The following FAM168B variants were observed in gnomAD, a reference collection of about 807,000 sequenced individuals.
FAM168B encodes the protein myelin-associated neurite-outgrowth inhibitor.
Under a neutral mutation model 21.8 loss-of-function variants are expected in FAM168B, and 19 were observed. The observed-to-expected ratio is 0.87, with a 90% CI of 0.61 to 1.28. FAM168B has a LOEUF of 1.28. Ranked by LOEUF, FAM168B falls within the 50% of genes most tolerant of loss-of-function variation. FAM168B has a pLI of 0.00. For synonymous variants in FAM168B, 126 were observed against 104.8 expected, an observed-to-expected ratio of 1.20 and a Z score of -1.24; for missense variants, 233 against 263.1, an observed-to-expected ratio of 0.89 and a Z score of 0.79.
chr2:131,083,183 G>A (rs112677783), intron 1 of FAM168B, among the ~76,000 whole-genome samples: 2,213 of 152,126 alleles, frequency 0.015, 57 homozygotes, highest in African/African-American at 0.05. Flanking sequence ...GTCAAACTCC[G>A]TCTCTACTAA....
intron 5 of FAM168B, 121 bp downstream of exon 5, chr2:131,055,151 G>C: frequency 1.0e-6 from 1 of 988,408 alleles, no homozygotes. Context: ...AGAATTTTCT[G>C]TCCTTCCACA....
intron 1 of FAM168B, among the ~76,000 whole-genome samples, chr2:131,092,138 C>T (rs1354548662): frequency 4.7e-5 from 7 of 148,054 alleles, no homozygotes; most frequent in Non-Finnish European, 8.9e-5. Context: ...AGGGAGACTC[C>T]GTCTCAAAAA....
Position 131,051,606 on chromosome 2 carries a change from G to C in FAM168B, c.*859C>G. On this transcript the variant is annotated 3_prime_UTR_variant, in exon 7 of 7. Transcript: ENST00000389915. ...CAGGAAAATAATTTAGTTTTACATA[G>C]GACTTTTCCAATAAAGACATATAAA... 1 of 985,180 alleles carries C rather than the reference G, an allele frequency of 1.0e-6. No homozygotes were observed. The highest frequency in any genetic ancestry group is 4.7e-5 in the South Asian group (1 of 21,272). The allele number at this position is 985,180 out of a possible 1,614,324, so 61.0% of individuals were successfully genotyped here. A position where few individuals can be genotyped will look rare whatever the true frequency, so the allele number is the denominator to read the frequency against.
rs541457330 is a variant in FAM168B, at chr2:131,051,216, T to A, written c.*1249A>T. 37 of 984,448 alleles carry A rather than the reference T, an allele frequency of 3.8e-5. No homozygotes were observed. Among genetic ancestry groups the A allele is most frequent in the Non-Finnish European group, 4.5e-5 (37 of 829,744 alleles). 61.0% of individuals were successfully genotyped at this position (984,448 alleles called of 1,614,324 possible). A position where few individuals can be genotyped will look rare whatever the true frequency, so the allele number is the denominator to read the frequency against. On this transcript the variant is annotated 3_prime_UTR_variant, in exon 7 of 7. Coordinates refer to ENST00000389915, the MANE Select transcript of FAM168B (RefSeq NM_001009993.4). The stretch of plus-strand genomic sequence containing the variant: ...CTCCCCCTCGCCCCATCTCTAAGCG[T>A]CCCCTCCAGCCGGCCTCAGCAGACA...
chr2:131,048,353 G>A lies in FAM168B; in HGVS notation c.*4112C>T. The A allele has an allele frequency of 7.7e-7, 1 of 1,298,678 alleles. No individual in the cohort carries two copies. The highest frequency in any genetic ancestry group is 1.2e-5 in the South Asian group (1 of 80,784). The allele number at this position is 1,298,678 out of a possible 1,614,324, so 80.4% of individuals were successfully genotyped here. A position where few individuals can be genotyped will look rare whatever the true frequency, so the allele number is the denominator to read the frequency against. On this transcript the variant is annotated 3_prime_UTR_variant, in exon 7 of 7. Transcript: ENST00000389915. ...GACTCATGGGCACAGCCTGTGGTGA[G>A]GAGGAGACACCTGTCATGCCAGTCC...
Position 131,049,674 on chromosome 2 carries a change from T to C in FAM168B, c.*2791A>G, listed in dbSNP as rs1573734341. The stretch of plus-strand genomic sequence containing the variant: ...TTTTAAATAGCCATCATGATGTCCA[T>C]GTTTACATGAACTAGGTCCTTTGCT... On this transcript the variant is annotated 3_prime_UTR_variant, in exon 7 of 7. Coordinates refer to ENST00000389915, the MANE Select transcript of FAM168B (RefSeq NM_001009993.4). 1 of 982,486 alleles carries C rather than the reference T, an allele frequency of 1.0e-6. No individual in the cohort carries two copies. Among genetic ancestry groups the C allele is most frequent in the South Asian group, 4.7e-5 (1 of 21,284 alleles). The allele number at this position is 982,486 out of a possible 1,614,324, so 60.9% of individuals were successfully genotyped here.
rs140985505 is a variant in FAM168B at position 131,090,890 on chromosome 2, C to T, written c.-12+2324G>A. On this transcript the variant is annotated intron_variant, in intron 1 of 6. Coordinates refer to ENST00000389915, the MANE Select transcript of FAM168B (RefSeq NM_001009993.4). Reference sequence around the variant, plus strand: ...GACTACAGTTGCCTGCCACCATGCCCGGCTAATATTTTGGTATTTTTAGTA... The same window carrying T: ...GACTACAGTTGCCTGCCACCATGCCTGGCTAATATTTTGGTATTTTTAGTA... Among the ~76,000 whole-genome samples the T allele has an allele frequency of 5.8e-4, 89 of 152,140 alleles. 2 individuals carry two copies. The highest frequency in any genetic ancestry group is 2.0e-3 in the African/African-American group (82 of 41,518).
In FAM168B at chr2:131,081,898, A is replaced by C. The variant is rs543284762; in HGVS notation, c.70+679T>G. ...TATTTCACTTTCTGAGAGTCTTAGC[A>C]ACAAAGTTTTGGGGTTATCTCTTCT... On this transcript the variant is annotated intron_variant, in intron 2 of 6. Transcript: ENST00000389915. Among the ~76,000 whole-genome samples the C allele has an allele frequency of 1.7e-4, 26 of 152,352 alleles. No homozygotes were observed. The South Asian group carries it at 5.0e-3, about 29-fold the overall frequency.
At chr2:131,054,237 A>T (rs913127858) in intron 5 of FAM168B, among the ~76,000 whole-genome samples, 49 of 134,120 alleles carry the variant, frequency 3.7e-4, no homozygotes, top group African/African-American at 1.5e-3. Context: ...TTTTAAAATT[A>T]AAAAAAAAAA....
At chr2:131,062,869 G>A (rs16856512) in intron 3 of FAM168B, among the ~76,000 whole-genome samples, 25,372 of 152,234 alleles carry the variant, frequency 0.17, 2,484 homozygotes, top group African/African-American at 0.27. Context: ...CTAAACTTGT[G>A]CATTTCACAC....
At chr2:131,093,153 C>T (rs1209170784) in intron 1 of FAM168B, 61 bp downstream of exon 1, 1 of 150,554 alleles carries the variant, frequency 6.6e-6, no homozygotes, top group Non-Finnish European at 1.5e-5. Flanking sequence ...CCGAGCCGGC[C>T]GCACAAAGCG....
At chr2:131,080,931 A>G (rs1269106942) in intron 2 of FAM168B, among the ~76,000 whole-genome samples, 1 of 151,818 alleles carries the variant, frequency 6.6e-6, no homozygotes, top group Non-Finnish European at 1.5e-5. Context: ...CGGCCTCCCA[A>G]AGTGCTGGGA....
rs1691712079 is a variant in FAM168B, at chr2:131,052,057, A to C, written c.*408T>G. The C allele has an allele frequency of 4.3e-5, 42 of 985,692 alleles. No individual in the cohort carries two copies. Among genetic ancestry groups the C allele is most frequent in the Non-Finnish European group, 5.1e-5 (42 of 829,930 alleles). The allele number at this position is 985,692 out of a possible 1,614,324, so 61.1% of individuals were successfully genotyped here. A position where few individuals can be genotyped will look rare whatever the true frequency, so the allele number is the denominator to read the frequency against. ...GACTTTGCATACATTACAACAGTGC[A>C]TTAGTGATACAAGTTGTAAAATACG... On this transcript the variant is annotated 3_prime_UTR_variant, in exon 7 of 7. Transcript: ENST00000389915.
At chr2:131,072,584 G>A (rs1488715623) in intron 2 of FAM168B, among the ~76,000 whole-genome samples, 3 of 151,832 alleles carry the variant, frequency 2.0e-5, no homozygotes, top group African/African-American at 7.3e-5. Context: ...TCAGCCTTCC[G>A]AGTAGCTGGG....
chr2:131,066,887 C>T (rs183899553), intron 3 of FAM168B, among the ~76,000 whole-genome samples: 69 of 152,190 alleles, frequency 4.5e-4, no homozygotes, highest in African/African-American at 1.4e-3. Flanking sequence ...AAGAAATACC[C>T]GAGACTGGGT....
At position 131,050,835 on chromosome 2, in the gene FAM168B, A is replaced by G; in HGVS notation, c.*1630T>C. The G allele has an allele frequency of 4.1e-6, 4 of 985,400 alleles. No homozygotes were observed. Among genetic ancestry groups the G allele is most frequent in the Non-Finnish European group, 4.8e-6 (4 of 829,994 alleles). 61.0% of individuals were successfully genotyped at this position (985,400 alleles called of 1,614,324 possible). A position where few individuals can be genotyped will look rare whatever the true frequency, so the allele number is the denominator to read the frequency against. On this transcript the variant is annotated 3_prime_UTR_variant, in exon 7 of 7. Transcript: ENST00000389915. ...CAGAGCCCCCTCCCCACCAGAGCCC[A>G]CAGCACTCAAACCACCACTGCACTG...
At chr2:131,053,986 C>A (rs1215471261) in intron 5 of FAM168B, among the ~76,000 whole-genome samples, 1 of 152,112 alleles carries the variant, frequency 6.6e-6, no homozygotes, top group African/African-American at 2.4e-5. Context: ...GGTGGATCAC[C>A]TGAGGTCAGG....
intron 3 of FAM168B, among the ~76,000 whole-genome samples, chr2:131,059,531 G>GA (rs1692188941): frequency 6.6e-6 from 1 of 152,094 alleles, no homozygotes; most frequent in African/African-American, 2.4e-5. Flanking sequence ...CCACTAGCCT[G>GA]AAAAGAGATC....
rs1034731953 is a variant in FAM168B at position 131,050,719 on chromosome 2, G to C, written c.*1746C>G. The C allele has an allele frequency of 3.0e-6, 3 of 985,414 alleles. No individual in the cohort carries two copies. In the East Asian group the frequency reaches 3.4e-4, roughly 112 times the overall value. The allele number at this position is 985,414 out of a possible 1,614,324, so 61.0% of individuals were successfully genotyped here. The stretch of plus-strand genomic sequence containing the variant: ...GTTACCAAAGGCTCAGTGGTCAGGT[G>C]TCCCCCCACCAACCAACTGGGGCAG... On this transcript the variant is annotated 3_prime_UTR_variant, in exon 7 of 7. Coordinates refer to ENST00000389915, the MANE Select transcript of FAM168B (RefSeq NM_001009993.4).
Sources: allele counts gnomAD v4.1 joint callset (sites outside exome capture counted in the v4.1 genomes callset), GRCh38; gene constraint gnomAD v4.1.1; transcripts MANE v1.5; gene names NCBI Gene and HGNC (gene_info 2026-07-23, HGNC 2026-07-21).